The following RAPH1 variants were observed in gnomAD, a reference collection of about 807,000 sequenced individuals.
RAPH1 encodes ras-associated and pleckstrin homology domains-containing protein 1.
Under a neutral mutation model 88.1 loss-of-function variants are expected in RAPH1, and 18 were observed. The observed-to-expected ratio is 0.20, with a 90% CI of 0.14 to 0.30. RAPH1 has a LOEUF of 0.30. Ranked by LOEUF, RAPH1 falls within the 10% of genes least tolerant of loss-of-function variation. The pLI is 1.00. For missense variants in RAPH1, 1,448 were observed against 1,543.2 expected, an observed-to-expected ratio of 0.94 and a Z score of 1.03; for synonymous variants, 587 against 559.0, an observed-to-expected ratio of 1.05 and a Z score of -0.71.
chr2:203,486,239 AT>A (rs1283417601), intron 4 of RAPH1, among the ~76,000 whole-genome samples: 3 of 152,232 alleles, frequency 2.0e-5, no homozygotes, highest in Non-Finnish European at 1.5e-5. Flanking sequence ...AGAAAATTAA[AT>A]ATTTTTAAAC....
rs1458900254 is a variant in RAPH1, at chr2:203,459,925, T to G, written c.1074A>C (p.Ala358=). The G allele has an allele frequency of 6.2e-7, 1 of 1,613,096 alleles. No homozygotes were observed. The highest frequency in any genetic ancestry group is 1.3e-5 in the African/African-American group (1 of 74,896). The change falls in exon 7 of 14, where the codon GCA becomes GCC. Residue 358 remains alanine, a synonymous_variant. Transcript: ENST00000319170. The part of the protein sequence containing the change: ...LIFMERIEKY[A]LFKNPQNYLL... The stretch of plus-strand genomic sequence containing the variant: ...GTCTTACCTGTGGGTTTTTGAAAAG[T>G]GCATATTTTTCTATACGCTCCATAA...
intron 1 of RAPH1, among the ~76,000 whole-genome samples, chr2:203,500,746 T>C (rs1688705525): frequency 6.6e-6 from 1 of 152,170 alleles, no homozygotes. Context: ...GTAACCACAA[T>C]TTGGTTAAAG....
intron 4 of RAPH1, among the ~76,000 whole-genome samples, chr2:203,467,689 T>C (rs528621547): frequency 3.9e-5 from 6 of 152,288 alleles, no homozygotes; most frequent in East Asian, 1.9e-4. Context: ...CTTGTGTACG[T>C]GCAGGTTTTG....
At position 203,489,919 on chromosome 2, in the gene RAPH1, A is replaced by C; in HGVS notation, c.397T>G (p.Leu133Val). 1 of 1,614,232 alleles carries C rather than the reference A, an allele frequency of 6.2e-7. No homozygotes were observed. Among genetic ancestry groups the C allele is most frequent in the Non-Finnish European group, 8.5e-7 (1 of 1,180,036 alleles). Residue 133 changes from leucine to valine, a missense_variant, in exon 4 of 14, where the codon TTG becomes GTG. Transcript: ENST00000319170. ...TTAGATGAAGAAGATAATCCTTTCA[A>C]GGTGCCATGTTTCAATGTATGTCGG... is the stretch of plus-strand genomic sequence containing the variant. Reference protein sequence around the residue: ...VSRHTLKHGTLKGLSSSSNRI... With the variant: ...VSRHTLKHGTVKGLSSSSNRI...
At chr2:203,457,293 T>C (rs911626725) in intron 8 of RAPH1, among the ~76,000 whole-genome samples, 2 of 151,972 alleles carry the variant, frequency 1.3e-5, no homozygotes, top group East Asian at 3.9e-4. Context: ...GTTCAAGCAA[T>C]TCCCTGCCTC....
chr2:203,498,573 AAAC>A (rs1294482179), intron 1 of RAPH1, among the ~76,000 whole-genome samples: 4 of 152,308 alleles, frequency 2.6e-5, no homozygotes, highest in South Asian at 2.1e-4. Context: ...CTGCTGTTTC[AAAC>A]AACACCTCCG....
chr2:203,509,553 AC>A (rs1452115299), intron 1 of RAPH1, among the ~76,000 whole-genome samples: 1 of 152,198 alleles, frequency 6.6e-6, no homozygotes, highest in Non-Finnish European at 1.5e-5. Context: ...TACTGTCAGA[AC>A]AAAAGGAGTA....
intron 1 of RAPH1, among the ~76,000 whole-genome samples, chr2:203,525,642 T>G (rs1279487380): frequency 6.6e-6 from 1 of 151,888 alleles, no homozygotes; most frequent in Non-Finnish European, 1.5e-5. Context: ...CCAGGCACGG[T>G]GATGCACACC....
chr2:203,442,834 A>ATAGTTATGTGTAAGTTTCCTTGGCCTT, intron 13 of RAPH1: 1 of 152,178 alleles, frequency 6.6e-6, no homozygotes, highest in South Asian at 2.1e-4. Context: ...CCTTACACAT[A>ATAGTTATGTGTAAGTTTCCTTGGCCTT]ACTAGGTTCT....
In RAPH1 at chr2:203,438,458, C is replaced by G; in HGVS notation, c.*979G>C. The G allele has an allele frequency of 3.7e-6, 1 of 269,558 alleles. No homozygotes were observed. Among genetic ancestry groups the G allele is most frequent in the South Asian group, 3.9e-5 (1 of 25,814 alleles). The allele number at this position is 269,558 out of a possible 1,614,324, so 16.7% of individuals were successfully genotyped here. ...ATTGTCTACAGATATGTAATAACACCTACCTAAAGCACATATTTTAAGAAG... is the reference window on the plus strand; with the variant it reads ...ATTGTCTACAGATATGTAATAACACGTACCTAAAGCACATATTTTAAGAAG... On this transcript the variant is annotated 3_prime_UTR_variant, in exon 14 of 14. Coordinates refer to ENST00000319170, the MANE Select transcript of RAPH1 (RefSeq NM_213589.3).
intron 1 of RAPH1, among the ~76,000 whole-genome samples, chr2:203,525,430 C>A (rs1050711805): frequency 6.6e-6 from 1 of 151,992 alleles, no homozygotes; most frequent in African/African-American, 2.4e-5. Context: ...ATCCACCACC[C>A]CCTTGGCCTC....
rs533276428 is a variant in RAPH1 at position 203,473,354 on chromosome 2, G to C, written c.733-11429C>G. Among the ~76,000 whole-genome samples the C allele has an allele frequency of 1.4e-4, 22 of 152,154 alleles. No individual in the cohort carries two copies. The East Asian group carries it at 3.3e-3, about 23-fold the overall frequency. On this transcript the variant is annotated intron_variant, in intron 4 of 13. Coordinates refer to ENST00000319170, the MANE Select transcript of RAPH1 (RefSeq NM_213589.3). ...TGATCCTAGAATTCCTTGCTCTTCA[G>C]AAAAAAGGGGCAGGGGTGGGGTGAA...
Position 203,433,751 on chromosome 2 carries a change from C to T in RAPH1, c.*5686G>A, listed in dbSNP as rs1178758367. 1 of 152,224 alleles carries T rather than the reference C, an allele frequency of 6.6e-6. No individual in the cohort carries two copies. Among genetic ancestry groups the T allele is most frequent in the Non-Finnish European group, 1.5e-5 (1 of 68,028 alleles). The allele number at this position is 152,224 out of a possible 1,614,324, so 9.4% of individuals were successfully genotyped here. A position where few individuals can be genotyped will look rare whatever the true frequency, so the allele number is the denominator to read the frequency against. ...GTGTATGGCCTATGTTTTGGGTACC[C>T]TGACATGAAATGCAAAACCAGATTC... On this transcript the variant is annotated 3_prime_UTR_variant, in exon 14 of 14. Transcript: ENST00000319170.
intron 4 of RAPH1, among the ~76,000 whole-genome samples, chr2:203,470,822 T>G (rs2098532375): frequency 1.3e-5 from 2 of 152,322 alleles, no homozygotes; most frequent in Admixed American, 1.3e-4. Flanking sequence ...ACGAAAAATA[T>G]CCATCAATAT....
intron 8 of RAPH1, 66 bp from the exon 9 acceptor site, chr2:203,455,646 C>A (rs1356944828): frequency 9.4e-6 from 14 of 1,487,146 alleles, no homozygotes; most frequent in Admixed American, 1.9e-5. Context: ...GTTGTGTTTA[C>A]TCCTGTGAAA....
chr2:203,481,568 A>AATAT (rs60650703), intron 4 of RAPH1, among the ~76,000 whole-genome samples: 2,925 of 138,008 alleles, frequency 0.021, 57 homozygotes, highest in East Asian at 0.067. Context: ...TAAATAGATG[A>AATAT]ATATATATAT....
In RAPH1 at chr2:203,439,247, A is replaced by G; in HGVS notation, c.*190T>C. On this transcript the variant is annotated 3_prime_UTR_variant, in exon 14 of 14. Transcript: ENST00000319170. ...TCTATATACACATACACATACATAT[A>G]TGTATACATATATACACACACTGTA... 1 of 575,892 alleles carries G rather than the reference A, an allele frequency of 1.7e-6. No homozygotes were observed. The highest frequency in any genetic ancestry group is 2.8e-5 in the East Asian group (1 of 35,542). 35.7% of individuals were successfully genotyped at this position (575,892 alleles called of 1,614,324 possible). A position where few individuals can be genotyped will look rare whatever the true frequency, so the allele number is the denominator to read the frequency against.
At chr2:203,507,010 C>T (rs1350848815) in intron 1 of RAPH1, among the ~76,000 whole-genome samples, 6 of 148,924 alleles carry the variant, frequency 4.0e-5, no homozygotes, top group African/African-American at 1.0e-4. Context: ...GATTCTCCTG[C>T]CCCAGACTCC....
intron 4 of RAPH1, among the ~76,000 whole-genome samples, chr2:203,471,758 G>A (rs1321560652): frequency 1.3e-5 from 2 of 151,888 alleles, no homozygotes; most frequent in Non-Finnish European, 2.9e-5. Context: ...CATTTTTAAA[G>A]CTGTGTTTTA....
Sources: gnomAD v4.1 joint callset for allele counts (sites outside exome capture counted in the v4.1 genomes callset) on GRCh38, gnomAD v4.1.1 for gene constraint, MANE v1.5 for transcripts, NCBI Gene and HGNC (gene_info 2026-07-23, HGNC 2026-07-21) for gene names.